Variants in NALCN observed in about 807,000 individuals in gnomAD.
NALCN encodes sodium leak channel NALCN.
Under a neutral mutation model 225.3 loss-of-function variants are expected in NALCN, and 111 were observed. The observed-to-expected ratio is 0.49, with a 90% CI of 0.42 to 0.58. NALCN has a LOEUF of 0.58. Among genes scored for constraint, NALCN ranks in the 20% least tolerant of loss-of-function variants. NALCN has a pLI of 0.00. For synonymous variants in NALCN, 764 were observed against 769.0 expected (o/e 0.99, Z 0.11); for missense variants, 1,378 against 2,202.4 (o/e 0.63, Z 7.49).
At chr13:101,346,087 C>CTCTCTCTCTCTATATATATATATATATA in intron 6 of NALCN, among the ~76,000 whole-genome samples, 11 of 70,964 alleles carry the variant, frequency 1.6e-4, no homozygotes, top group South Asian at 5.5e-4. Context: ...CTCTCTCTCT[C>CTCTCTCTCTCTATATATATATATATATA]TATATATATA....
intron 34 of NALCN, 152 bp from the exon 35 acceptor site, chr13:101,076,093 G>A: frequency 1.9e-6 from 1 of 519,470 alleles, no homozygotes; most frequent in South Asian, 4.5e-5. Context: ...TGCTGAAAAG[G>A]TCACTGCAAA....
At chr13:101,209,311 T>G (rs2040437194) in intron 13 of NALCN, among the ~76,000 whole-genome samples, 1 of 152,170 alleles carries the variant, frequency 6.6e-6, no homozygotes, top group South Asian at 2.1e-4. Context: ...TCAGGAATAA[T>G]TATGCTTCTC....
At chr13:101,205,405 G>C (rs2040272997) in intron 13 of NALCN, among the ~76,000 whole-genome samples, 1 of 151,714 alleles carries the variant, frequency 6.6e-6, no homozygotes, top group Non-Finnish European at 1.5e-5. Context: ...AGTAATTTGA[G>C]ACTTAAAGTT....
intron 28 of NALCN, among the ~76,000 whole-genome samples, chr13:101,095,040 T>G (rs1349315868): frequency 6.6e-6 from 1 of 152,190 alleles, no homozygotes; most frequent in East Asian, 1.9e-4. Flanking sequence ...TTGATCTAAG[T>G]GCTTTGAAAA....
At chr13:101,319,871 A>G (rs2044685295) in intron 7 of NALCN, among the ~76,000 whole-genome samples, 1 of 152,232 alleles carries the variant, frequency 6.6e-6, no homozygotes, top group Admixed American at 6.5e-5. Flanking sequence ...CCAATATAAA[A>G]TTTATGAATT....
chr13:101,084,597 T>C (rs959611694), intron 30 of NALCN, among the ~76,000 whole-genome samples: 2 of 68,306 alleles, frequency 2.9e-5, no homozygotes, highest in Non-Finnish European at 6.2e-5. Flanking sequence ...GACTCCAACA[T>C]GTGATTATTT....
At chr13:101,314,847 G>T (rs1475726294) in intron 7 of NALCN, among the ~76,000 whole-genome samples, 1 of 152,104 alleles carries the variant, frequency 6.6e-6, no homozygotes, top group Non-Finnish European at 1.5e-5. Flanking sequence ...GTGTCATTTG[G>T]ATGCATATGA....
At chr13:101,320,399 A>T (rs1400490735) in intron 7 of NALCN, among the ~76,000 whole-genome samples, 3 of 152,178 alleles carry the variant, frequency 2.0e-5, no homozygotes, top group Non-Finnish European at 2.9e-5. Flanking sequence ...CTGTTTTAGA[A>T]GGAAAATTAA....
intron 10 of NALCN, among the ~76,000 whole-genome samples, chr13:101,282,628 G>A (rs1406513980): frequency 6.6e-6 from 1 of 152,090 alleles, no homozygotes; most frequent in African/African-American, 2.4e-5. Flanking sequence ...GATTTGCTAG[G>A]AGATTAGATC....
At chr13:101,262,755 C>T (rs1307388821) in intron 10 of NALCN, among the ~76,000 whole-genome samples, 4 of 152,180 alleles carry the variant, frequency 2.6e-5, no homozygotes, top group Non-Finnish European at 5.9e-5. Flanking sequence ...CCTTATCCTA[C>T]ATCAGGTGCT....
intron 1 of NALCN, among the ~76,000 whole-genome samples, chr13:101,400,298 G>C (rs1188585966): frequency 2.0e-5 from 3 of 152,128 alleles, no homozygotes; most frequent in Non-Finnish European, 4.4e-5. Context: ...CAATGTGTAA[G>C]GGGTTTAGAG....
chr13:101,351,729 C>T (rs561187737), intron 6 of NALCN, among the ~76,000 whole-genome samples: 100 of 152,282 alleles, frequency 6.6e-4, no homozygotes, highest in African/African-American at 2.3e-3. Flanking sequence ...CCTCATAACG[C>T]TTTCATATAA....
In NALCN at chr13:101,243,991, A is replaced by C. The variant is rs2041818558; in HGVS notation, c.1267-6069T>G. ...TTCTGGCCTTGCAATGATATGGGGA[A>C]GACTTGAACCTGTTTTCTCTCCTAT... On this transcript the variant is annotated intron_variant, in intron 11 of 43. Coordinates refer to ENST00000251127, the MANE Select transcript of NALCN (RefSeq NM_052867.4). Among the ~76,000 whole-genome samples, 2 of 41,834 alleles carry C rather than the reference A, an allele frequency of 4.8e-5. 1 individual carries two copies. The highest frequency in any genetic ancestry group is 1.1e-4 in the Non-Finnish European group (2 of 17,442). The allele number at this position is 41,834 out of a possible 152,430, so 27.4% of individuals were successfully genotyped here. A position where few individuals can be genotyped will look rare whatever the true frequency, so the allele number is the denominator to read the frequency against.
At chr13:101,264,438 G>C (rs967015335) in intron 10 of NALCN, among the ~76,000 whole-genome samples, 2 of 151,890 alleles carry the variant, frequency 1.3e-5, no homozygotes, top group African/African-American at 4.8e-5. Flanking sequence ...GTCTATACTA[G>C]ATTAATCCCC....
In NALCN at chr13:101,376,834, G is replaced by A; in HGVS notation, c.516-6C>T. On this transcript the variant is annotated splice_region_variant and splice_polypyrimidine_tract_variant and intron_variant, in intron 5 of 43. Coordinates refer to ENST00000251127, the MANE Select transcript of NALCN (RefSeq NM_052867.4). ...ATATTTGTTCTCCCGATCGCCTAGA[G>A]AAACAAAAGTAGGTAAAGTACATAA... The A allele has an allele frequency of 1.2e-6, 2 of 1,612,232 alleles. No homozygotes were observed. Among genetic ancestry groups the A allele is most frequent in the Non-Finnish European group, 1.7e-6 (2 of 1,179,558 alleles).
chr13:101,326,627 G>T (rs1278583888), intron 7 of NALCN, among the ~76,000 whole-genome samples: 1 of 152,182 alleles, frequency 6.6e-6, no homozygotes, highest in African/African-American at 2.4e-5. Context: ...GTGGGTTTAG[G>T]TAGTTGCTTA....
At chr13:101,060,037 CTTA>C (rs1448390638) in intron 41 of NALCN, 70 bp from the exon 42 acceptor site, 14 of 1,563,992 alleles carry the variant, frequency 9.0e-6, no homozygotes, top group Non-Finnish European at 1.1e-5. Flanking sequence ...CCACACAAAT[CTTA>C]TTTTCTTCTC....
intron 11 of NALCN, 83 bp downstream of exon 11, chr13:101,258,360 C>T (rs774687465): frequency 5.8e-6 from 9 of 1,561,082 alleles, no homozygotes; most frequent in Non-Finnish European, 7.8e-6. Flanking sequence ...ACAGGCTACA[C>T]TTCACTTTTG....
chr13:101,199,688 T>C (rs1256273907), intron 13 of NALCN, among the ~76,000 whole-genome samples: 2 of 147,476 alleles, frequency 1.4e-5, no homozygotes, highest in Non-Finnish European at 1.5e-5. Flanking sequence ...TTAGGAGATA[T>C]AGCTAATGTA....
Sources: gnomAD v4.1 joint callset for allele counts (sites outside exome capture counted in the v4.1 genomes callset) on GRCh38, gnomAD v4.1.1 for gene constraint, MANE v1.5 for transcripts, NCBI Gene and HGNC (gene_info 2026-07-23, HGNC 2026-07-21) for gene names.